Variants in STX12 observed in about 807,000 individuals in gnomAD.
STX12 encodes syntaxin-12.
In STX12, 17 loss-of-function variants were observed where a neutral mutation model predicts 42.2. The ratio of observed to expected loss-of-function variants is 0.40; its 90% confidence interval spans 0.28 to 0.60. STX12 has a LOEUF of 0.60. Among genes scored for constraint, STX12 ranks in the 20% least tolerant of loss-of-function variants. STX12 has a pLI of 0.39. For synonymous variants in STX12, 108 were observed against 116.7 expected (o/e 0.93, Z 0.48); for missense variants, 297 against 330.9 (o/e 0.90, Z 0.79).
At chr1:27,778,186 A>C (rs2088639940) in intron 1 of STX12, among the ~76,000 whole-genome samples, 1 of 152,198 alleles carries the variant, frequency 6.6e-6, no homozygotes, top group South Asian at 2.1e-4. Flanking sequence ...ATTGCTGAGC[A>C]CATCAGCCTG....
intron 5 of STX12, among the ~76,000 whole-genome samples, chr1:27,811,307 CAA>C (rs1158641374): frequency 3.3e-4 from 16 of 48,006 alleles, no homozygotes; most frequent in African/African-American, 7.1e-4. Flanking sequence ...AACTCCGTCT[CAA>C]AAAAAAAAAA....
chr1:27,796,713 T>C (rs994617284), intron 3 of STX12, among the ~76,000 whole-genome samples: 1 of 151,762 alleles, frequency 6.6e-6, no homozygotes, highest in East Asian at 1.9e-4. Flanking sequence ...GTTTTTTTTT[T>C]TTTTTTGGGA....
At chr1:27,801,361 G>A (rs2088826637) in intron 3 of STX12, among the ~76,000 whole-genome samples, 1 of 151,566 alleles carries the variant, frequency 6.6e-6, no homozygotes, top group Admixed American at 6.6e-5. Context: ...CTGAGATCAT[G>A]CCACTGCGCT....
intron 4 of STX12, among the ~76,000 whole-genome samples, chr1:27,805,192 C>T (rs1383543006): frequency 6.6e-6 from 1 of 152,022 alleles, no homozygotes; most frequent in Non-Finnish European, 1.5e-5. Context: ...TATCAGACCC[C>T]AAAGAAGTTT....
At chr1:27,779,344 T>TG (rs2088650625) in intron 1 of STX12, among the ~76,000 whole-genome samples, 1 of 132,720 alleles carries the variant, frequency 7.5e-6, no homozygotes, top group African/African-American at 4.1e-5. Context: ...TTTTTTTTTG[T>TG]TTTTTTTTGA....
rs961532125 is a variant in STX12 at position 27,812,279 on chromosome 1, C to T, written c.576+11C>T. On this transcript the variant is annotated intron_variant, in intron 6 of 8. Transcript: ENST00000373943. Reference sequence around the variant, plus strand: ...ATTCGGCAGCTGGAGGTGAGAGCCACGTCATGTTTTTTGTTTGACTCAGTG... The same window carrying T: ...ATTCGGCAGCTGGAGGTGAGAGCCATGTCATGTTTTTTGTTTGACTCAGTG... 24 of 1,549,320 alleles carry T rather than the reference C, an allele frequency of 1.5e-5. No individual in the cohort carries two copies. The highest frequency in any genetic ancestry group is 1.1e-4 in the African/African-American group (8 of 73,014).
intron 2 of STX12, among the ~76,000 whole-genome samples, chr1:27,792,001 A>C (rs1363497119): frequency 3.4e-5 from 5 of 144,998 alleles, no homozygotes; most frequent in Admixed American, 1.4e-4. Context: ...TATATATATA[A>C]TATAAATATA....
intron 1 of STX12, among the ~76,000 whole-genome samples, chr1:27,783,899 C>A (rs1250114867): frequency 6.6e-6 from 1 of 152,152 alleles, no homozygotes; most frequent in Non-Finnish European, 1.5e-5. Flanking sequence ...CATCACTTGG[C>A]CAAGCGTGGT....
chr1:27,818,548 C>T (rs2088959759), intron 7 of STX12, among the ~76,000 whole-genome samples: 1 of 152,026 alleles, frequency 6.6e-6, no homozygotes, highest in African/African-American at 2.4e-5. Flanking sequence ...CCATTGACTT[C>T]TTTGTACATC....
rs1346006266 is a variant in STX12, at chr1:27,824,235, GAA to G, written c.*1911_*1912del. ...ACATCATTTGTAACATTGTAGGAAA[GAA>G]AAAAGTCTTGGTTGTGAAAAACGAT... On this transcript the variant is annotated 3_prime_UTR_variant, in exon 9 of 9. Transcript: ENST00000373943. The G allele has an allele frequency of 6.6e-6, 1 of 152,120 alleles. No homozygotes were observed. The highest frequency in any genetic ancestry group is 2.4e-5 in the African/African-American group (1 of 41,428). The allele number at this position is 152,120 out of a possible 1,614,324, so 9.4% of individuals were successfully genotyped here. A position where few individuals can be genotyped will look rare whatever the true frequency, so the allele number is the denominator to read the frequency against.
chr1:27,802,517 A>G (rs2088834364), intron 4 of STX12, among the ~76,000 whole-genome samples: 1 of 152,214 alleles, frequency 6.6e-6, no homozygotes, highest in Non-Finnish European at 1.5e-5. Context: ...GGAGGGCAGG[A>G]GGGAGGAGAA....
intron 1 of STX12, among the ~76,000 whole-genome samples, chr1:27,783,784 C>A (rs773674934): frequency 2.0e-5 from 3 of 152,156 alleles, no homozygotes; most frequent in Non-Finnish European, 2.9e-5. Context: ...GCACATCAGT[C>A]TAACATAAAA....
At chr1:27,801,580 G>T in intron 3 of STX12, 98 bp from the exon 4 acceptor site, 2 of 1,255,616 alleles carry the variant, frequency 1.6e-6, no homozygotes, top group Non-Finnish European at 2.1e-6. Flanking sequence ...TTTCCTAGTT[G>T]GAAATCTTTA....
At chr1:27,813,451 C>G (rs1189018520) in intron 6 of STX12, among the ~76,000 whole-genome samples, 1 of 152,226 alleles carries the variant, frequency 6.6e-6, no homozygotes, top group Non-Finnish European at 1.5e-5. Flanking sequence ...GCTGGGATTA[C>G]TGGCATGAAC....
chr1:27,791,477 T>TTTTCTGCTCCA (rs1306932238), intron 2 of STX12, among the ~76,000 whole-genome samples: 3 of 152,170 alleles, frequency 2.0e-5, no homozygotes, highest in African/African-American at 7.2e-5. Flanking sequence ...TATCACATCC[T>TTTTCTGCTCCA]TTTCTGCTCC....
chr1:27,810,119 G>C, intron 4 of STX12, 127 bp from the exon 5 acceptor site: 1 of 801,814 alleles, frequency 1.2e-6, no homozygotes, highest in Non-Finnish European at 2.1e-6. Flanking sequence ...AGAGTCCTAT[G>C]TAATCTTACA....
chr1:27,793,446 T>C, intron 2 of STX12, 87 bp from the exon 3 acceptor site: 1 of 1,124,980 alleles, frequency 8.9e-7, no homozygotes, highest in Non-Finnish European at 1.3e-6. Flanking sequence ...ATTCCCTACG[T>C]TATGAGACAC....
intron 8 of STX12, chr1:27,820,099 A>C (rs950663586): frequency 6.2e-6 from 1 of 161,170 alleles, no homozygotes. Flanking sequence ...GAGTGTTGCC[A>C]TAGAGGATGG....
chr1:27,797,163 G>C (rs759567294), intron 3 of STX12, among the ~76,000 whole-genome samples: 3 of 152,066 alleles, frequency 2.0e-5, no homozygotes, highest in Non-Finnish European at 4.4e-5. Flanking sequence ...CCAGGTTCGA[G>C]CAATTCTCCT....
Sources: gnomAD v4.1 joint callset for allele counts (sites outside exome capture counted in the v4.1 genomes callset) on GRCh38, gnomAD v4.1.1 for gene constraint, MANE v1.5 for transcripts, NCBI Gene and HGNC (gene_info 2026-07-23, HGNC 2026-07-21) for gene names.